The following BBS2 variants were observed in gnomAD, a reference collection of about 807,000 sequenced individuals.
The protein encoded by BBS2 is Bardet-Biedl syndrome 2.
A neutral mutation model predicts 83.0 loss-of-function variants in BBS2; 62 were observed. That is an observed-to-expected ratio of 0.75 (90% CI 0.61 to 0.92). BBS2 has a LOEUF of 0.92. BBS2 is among the 40% of genes least tolerant of loss of function. The pLI, the probability that BBS2 is intolerant of heterozygous loss-of-function variation, is 0.00. For missense variants in BBS2, 784 were observed against 901.0 expected (o/e 0.87, Z 1.66); for synonymous variants, 303 against 326.1 (o/e 0.93, Z 0.76).
At position 56,506,021 on chromosome 16, in the gene BBS2, T is replaced by G. The variant is rs755064435; in HGVS notation, c.733A>C (p.Met245Leu). 1.2e-6 allele frequency: 2 copies of G among 1,613,880 alleles called. No homozygotes were observed. The highest frequency in any genetic ancestry group is 8.5e-7 in the Non-Finnish European group (1 of 1,179,892). The change falls in exon 7 of 17, where the codon ATG (methionine) becomes CTG (leucine). Residue 245 changes from methionine to leucine, a missense_variant. Met to Leu is a conservative substitution (Grantham distance 15). Coordinates refer to ENST00000245157, the MANE Select transcript of BBS2 (RefSeq NM_031885.5). ...YWRIKSKNHA[M>L]SIHAFDLNSD... The stretch of plus-strand genomic sequence containing the variant: ...TTAAGGTCAAAAGCATGAATGCTCA[T>G]GGCATGATTTTTCGACTGAAAAAGA...
At chr16:56,509,915 ATC>A in intron 5 of BBS2, 40 bp downstream of exon 5, 1 of 1,595,920 alleles carries the variant, frequency 6.3e-7, no homozygotes, top group East Asian at 2.2e-5. Context: ...GTACTGATCT[ATC>A]TTGCTCAAGG....
At chr16:56,495,741 G>A (rs1223356227) in intron 15 of BBS2, among the ~76,000 whole-genome samples, 1 of 150,456 alleles carries the variant, frequency 6.6e-6, no homozygotes, top group Non-Finnish European at 1.5e-5. Context: ...ATGGCATTGT[G>A]ATTTTTATAC....
intron 15 of BBS2, among the ~76,000 whole-genome samples, chr16:56,489,087 T>TA (rs544906624): frequency 0.043 from 6,179 of 143,168 alleles, 151 homozygotes; most frequent in East Asian, 0.13. Flanking sequence ...AGCCAAACAT[T>TA]AAAAAAAAAA....
intron 14 of BBS2, chr16:56,497,429 A>G (rs1388239559): frequency 2.0e-6 from 1 of 493,594 alleles, no homozygotes; most frequent in Non-Finnish European, 3.6e-6. Flanking sequence ...GGGTTTTTGG[A>G]AAGACCCAAA....
intron 17 of BBS2, among the ~76,000 whole-genome samples, chr16:56,474,296 T>C (rs1020250084): frequency 2.6e-5 from 4 of 151,466 alleles, no homozygotes; most frequent in Non-Finnish European, 5.9e-5. Flanking sequence ...TTTATTATTA[T>C]AGAGAGAAAT....
intron 17 of BBS2, among the ~76,000 whole-genome samples, chr16:56,475,867 G>A (rs1963446329): frequency 6.6e-6 from 1 of 152,196 alleles, no homozygotes. Context: ...GGTATATGCT[G>A]GAATAGGGCT....
Position 56,502,383 on chromosome 16 carries a change from G to C in BBS2, c.1014C>G (p.Ile338Met). ...LMDTSAEQDL[I>M]RELSQKKQNL... ...TCTGCTTCTTCTGACTCAGCTCTCG[G>C]ATCAGGTCCTGCTCTGCACTGGTGT... The change falls in exon 9 of 17, where the codon ATC (isoleucine) becomes ATG (methionine). Residue 338 changes from isoleucine to methionine, a missense_variant. Ile to Met is a conservative substitution (Grantham distance 10). Coordinates refer to ENST00000245157, the MANE Select transcript of BBS2 (RefSeq NM_031885.5). 5 of 1,614,202 alleles carry C rather than the reference G, an allele frequency of 3.1e-6. No individual in the cohort carries two copies. Among genetic ancestry groups the C allele is most frequent in the Non-Finnish European group, 4.2e-6 (5 of 1,180,042 alleles).
At chr16:56,509,113 A>C (rs1485289961) in intron 5 of BBS2, among the ~76,000 whole-genome samples, 1 of 152,242 alleles carries the variant, frequency 6.6e-6, no homozygotes, top group Non-Finnish European at 1.5e-5. Flanking sequence ...TCATTTATGC[A>C]CTTCAGCCCT....
intron 17 of BBS2, chr16:56,475,480 G>C: frequency 1.9e-6 from 3 of 1,610,240 alleles, no homozygotes; most frequent in Non-Finnish European, 2.5e-6. Context: ...GGAGCTTTCT[G>C]AATGCTGTTT....
chr16:56,505,788 T>C (rs1964405866), intron 7 of BBS2, among the ~76,000 whole-genome samples, 162 bp downstream of exon 7: 1 of 152,204 alleles, frequency 6.6e-6, no homozygotes, highest in African/African-American at 2.4e-5. Flanking sequence ...TTGACAATGA[T>C]AGCAGGAAGA....
chr16:56,502,533 A>G (rs1295285677), intron 8 of BBS2, 77 bp from the exon 9 acceptor site: 40 of 1,611,590 alleles, frequency 2.5e-5, no homozygotes, highest in Non-Finnish European at 3.3e-5. Context: ...AAAAACAAAA[A>G]CCTAAGTTCT....
In BBS2 at chr16:56,502,335, G is replaced by C. The variant is rs1567576202; in HGVS notation, c.1062C>G (p.Asn354Lys). ...KKQNLLLELR[N>K]YEENAKAELA... ...CACCTACCTTGGCATTTTCCTCATAGTTACGGAGTTCCAGCAACAGATTCT... is the reference window on the plus strand; with the variant it reads ...CACCTACCTTGGCATTTTCCTCATACTTACGGAGTTCCAGCAACAGATTCT... The change falls in exon 9 of 17, where the codon AAC becomes AAG. Residue 354 changes from asparagine to lysine, a missense_variant. Asn to Lys is a moderately conservative substitution (Grantham distance 94, BLOSUM62 0). Coordinates refer to ENST00000245157, the MANE Select transcript of BBS2 (RefSeq NM_031885.5). 1 of 1,614,158 alleles carries C rather than the reference G, an allele frequency of 6.2e-7. No individual in the cohort carries two copies. Among genetic ancestry groups the C allele is most frequent in the Non-Finnish European group, 8.5e-7 (1 of 1,180,042 alleles).
Position 56,501,356 on chromosome 16 carries a change from T to C in BBS2, c.1222A>G (p.Asn408Asp). Residue 408 changes from asparagine (N) to aspartate (D), a missense_variant, in exon 10 of 17, where the codon AAT (asparagine) becomes GAT (aspartate). Coordinates refer to ENST00000245157, the MANE Select transcript of BBS2 (RefSeq NM_031885.5). ...AHTELRISTS[N>D]DTIIRAVLIF... The stretch of plus-strand genomic sequence containing the variant: ...CCAGCTGTGAGTACTGTCTTACCAT[T>C]AGAAGTGGAAATGCGTAATTCTGTA... 6.2e-7 allele frequency: 1 copy of C among 1,613,974 alleles called. No homozygotes were observed. Among genetic ancestry groups the C allele is most frequent in the Non-Finnish European group, 8.5e-7 (1 of 1,179,984 alleles).
At position 56,501,337 on chromosome 16, in the gene BBS2, G is replaced by A. The variant is rs774382271; in HGVS notation, c.1225+16C>T. 6.2e-6 allele frequency: 10 copies of A among 1,613,646 alleles called. No individual in the cohort carries two copies. In the South Asian group the frequency reaches 6.6e-5, roughly 11 times the overall value. ...GCACAGGTGCCTCTAAATACCAGCT[G>A]TGAGTACTGTCTTACCATTAGAAGT... On this transcript the variant is annotated intron_variant, in intron 10 of 16. Transcript: ENST00000245157.
chr16:56,506,614 TATAAC>T (rs757789523), intron 5 of BBS2, among the ~76,000 whole-genome samples: 106 of 152,338 alleles, frequency 7.0e-4, no homozygotes, highest in Non-Finnish European at 2.6e-4. Flanking sequence ...TTACTTAACT[TATAAC>T]ATCCTACAGT....
At chr16:56,472,268 C>A (rs2144042294) in intron 17 of BBS2, among the ~76,000 whole-genome samples, 1 of 152,266 alleles carries the variant, frequency 6.6e-6, no homozygotes, top group Middle Eastern at 3.4e-3. Context: ...TCACACCTGG[C>A]CAAAACTTGT....
chr16:56,505,226 G>C (rs1597019113), intron 7 of BBS2, among the ~76,000 whole-genome samples: 1 of 152,212 alleles, frequency 6.6e-6, no homozygotes. Flanking sequence ...AAAACTAAGT[G>C]AAGAAGCAGA....
chr16:56,505,844 C>T, intron 7 of BBS2, 106 bp downstream of exon 7: 9 of 850,486 alleles, frequency 1.1e-5, no homozygotes, highest in South Asian at 4.1e-5. Context: ...TGCCAAGGAA[C>T]GAACTGAAGT....
chr16:56,515,364 G>C (rs1222768823), intron 1 of BBS2, among the ~76,000 whole-genome samples: 1 of 152,244 alleles, frequency 6.6e-6, no homozygotes, highest in Non-Finnish European at 1.5e-5. Flanking sequence ...GCAGTCTTAA[G>C]AGGGGCGAGA....
Sources: gnomAD v4.1 joint callset for allele counts (sites outside exome capture counted in the v4.1 genomes callset) on GRCh38, gnomAD v4.1.1 for gene constraint, MANE v1.5 for transcripts, NCBI Gene and HGNC (gene_info 2026-07-23, HGNC 2026-07-21) for gene names.